KDM1A: variants seen among roughly 807,000 people sequenced by gnomAD.
The protein encoded by KDM1A is lysine-specific histone demethylase 1A.
Under a neutral mutation model 109.4 loss-of-function variants are expected in KDM1A, and 49 were observed. The ratio of observed to expected loss-of-function variants is 0.45; its 90% CI spans 0.36 to 0.57. The LOEUF is 0.57. KDM1A is among the 20% of genes least tolerant of loss of function. KDM1A has a pLI of 0.00. For missense variants in KDM1A, 668 were observed against 1,116.6 expected (o/e 0.60, Z 5.73); for synonymous variants, 380 against 415.4 (o/e 0.91, Z 1.04).
At chr1:23,061,506 T>G (rs189260485) in intron 9 of KDM1A, among the ~76,000 whole-genome samples, 11 of 152,336 alleles carry the variant, frequency 7.2e-5, no homozygotes, top group Non-Finnish European at 7.4e-5. Context: ...AGGAAGATTT[T>G]AAACCATTCT....
At chr1:23,025,375 G>A (rs571046817) in intron 1 of KDM1A, among the ~76,000 whole-genome samples, 40 of 149,816 alleles carry the variant, frequency 2.7e-4, no homozygotes, top group African/African-American at 8.6e-4. Flanking sequence ...TTTTCCCTCA[G>A]GCTGGAGTGC....
chr1:23,045,963 G>T (rs1569707793), intron 3 of KDM1A, among the ~76,000 whole-genome samples: 1 of 152,100 alleles, frequency 6.6e-6, no homozygotes, highest in East Asian at 1.9e-4. Context: ...ACCCTCATGG[G>T]TATCTTGGTG....
chr1:23,070,899 A>C (rs574026356), intron 12 of KDM1A, among the ~76,000 whole-genome samples: 21 of 152,146 alleles, frequency 1.4e-4, no homozygotes, highest in Middle Eastern at 3.4e-3. Context: ...TGTGGAGATT[A>C]AATTTATTTC....
At chr1:23,052,155 G>C (rs577999963) in intron 4 of KDM1A, among the ~76,000 whole-genome samples, 1 of 152,322 alleles carries the variant, frequency 6.6e-6, no homozygotes, top group South Asian at 2.1e-4. Flanking sequence ...CAAAAATCCA[G>C]ATTTGGGGAA....
At chr1:23,021,778 C>T (rs1473501275) in intron 1 of KDM1A, among the ~76,000 whole-genome samples, 2 of 152,098 alleles carry the variant, frequency 1.3e-5, no homozygotes, top group Non-Finnish European at 2.9e-5. Context: ...CAGCCAACAC[C>T]ACAATTGATT....
intron 4 of KDM1A, 65 bp downstream of exon 4, chr1:23,050,585 ATGGG>A: frequency 7.8e-7 from 1 of 1,282,448 alleles, no homozygotes; most frequent in Non-Finnish European, 1.0e-6. Context: ...GATAGAGAAT[ATGGG>A]AAAAATAAAA....
At chr1:23,032,506 T>TGG (rs5773031) in intron 2 of KDM1A, among the ~76,000 whole-genome samples, 1 of 151,920 alleles carries the variant, frequency 6.6e-6, no homozygotes, top group Non-Finnish European at 1.5e-5. Flanking sequence ...TCTTTGTTTT[T>TGG]GGGGGGACGT....
chr1:23,021,399 C>G (rs1173996133), intron 1 of KDM1A, among the ~76,000 whole-genome samples: 1 of 152,164 alleles, frequency 6.6e-6, no homozygotes, highest in African/African-American at 2.4e-5. Flanking sequence ...CAGTGGCTCA[C>G]TCCTGTAATC....
chr1:23,071,416 G>T, intron 13 of KDM1A, 57 bp downstream of exon 13: 1 of 1,508,932 alleles, frequency 6.6e-7, no homozygotes, highest in Non-Finnish European at 8.9e-7. Context: ...AAATAGCACA[G>T]ATCTGGGGAA....
At chr1:23,025,242 T>C (rs1641757963) in intron 1 of KDM1A, among the ~76,000 whole-genome samples, 1 of 152,152 alleles carries the variant, frequency 6.6e-6, no homozygotes, top group African/African-American at 2.4e-5. Flanking sequence ...AAGTTTTCCA[T>C]TATGACAAAA....
intron 4 of KDM1A, among the ~76,000 whole-genome samples, chr1:23,052,872 A>G (rs946831262): frequency 2.6e-5 from 4 of 152,064 alleles, no homozygotes; most frequent in Non-Finnish European, 4.4e-5. Flanking sequence ...ACCCTTCTCA[A>G]TGCATTTGAC....
At chr1:23,051,376 A>G (rs533630291) in intron 4 of KDM1A, among the ~76,000 whole-genome samples, 4 of 152,342 alleles carry the variant, frequency 2.6e-5, no homozygotes, top group African/African-American at 7.2e-5. Flanking sequence ...AAGGAAAACT[A>G]CGTTGTCAAA....
chr1:23,064,502 A>G (rs1390590258), intron 9 of KDM1A, among the ~76,000 whole-genome samples: 2 of 152,130 alleles, frequency 1.3e-5, no homozygotes, highest in African/African-American at 4.8e-5. Flanking sequence ...TTGATTACCT[A>G]GCGTACATTG....
chr1:23,048,238 T>C (rs1557540183), intron 3 of KDM1A, among the ~76,000 whole-genome samples: 1 of 152,170 alleles, frequency 6.6e-6, no homozygotes. Context: ...ATTTTTAGTC[T>C]TGGTGGTTTT....
intron 9 of KDM1A, among the ~76,000 whole-genome samples, chr1:23,065,479 A>T (rs1643135222): frequency 6.6e-6 from 1 of 152,230 alleles, no homozygotes; most frequent in African/African-American, 2.4e-5. Flanking sequence ...TTTCAAAGTG[A>T]AATCTTAATG....
chr1:23,063,198 G>GC (rs1553130162), intron 9 of KDM1A, among the ~76,000 whole-genome samples: 1,887 of 70,346 alleles, frequency 0.027, 161 homozygotes, highest in African/African-American at 0.11. Flanking sequence ...TGTAGCATTG[G>GC]GGGGGGGGTG....
At chr1:23,077,016 C>T (rs1159859388) in intron 15 of KDM1A, among the ~76,000 whole-genome samples, 1 of 151,660 alleles carries the variant, frequency 6.6e-6, no homozygotes, top group Non-Finnish European at 1.5e-5. Context: ...TCTCACTACC[C>T]GAAGATTTAG....
chr1:23,025,018 A>C (rs1457869997), intron 1 of KDM1A, among the ~76,000 whole-genome samples: 4 of 152,206 alleles, frequency 2.6e-5, no homozygotes, highest in African/African-American at 9.6e-5. Flanking sequence ...TAGGAACAAG[A>C]TAGATTGAAG....
chr1:23,054,388 A>G (rs1011723373), intron 5 of KDM1A, among the ~76,000 whole-genome samples: 21 of 152,282 alleles, frequency 1.4e-4, no homozygotes, highest in African/African-American at 4.1e-4. Flanking sequence ...TGAGACCCCT[A>G]TCTCTCAAAA....
Sources: gnomAD v4.1 joint callset for allele counts (sites outside exome capture counted in the v4.1 genomes callset) on GRCh38, gnomAD v4.1.1 for gene constraint, MANE v1.5 for transcripts, NCBI Gene and HGNC (gene_info 2026-07-23, HGNC 2026-07-21) for gene names.